TRIO: variants seen among roughly 807,000 people sequenced by gnomAD.
TRIO encodes the protein triple functional domain protein.
A neutral mutation model predicts 351.9 loss-of-function variants in TRIO; 58 were observed. That is an observed-to-expected ratio of 0.16 (90% CI 0.13 to 0.21). TRIO has a LOEUF of 0.21. TRIO is among the 10% of genes least tolerant of loss of function. TRIO has a pLI of 1.00. For synonymous variants in TRIO, 1,758 were observed against 1,595.7 expected (o/e 1.10, Z -2.42); for missense variants, 3,201 against 4,027.8 (o/e 0.79, Z 5.56).
intron 1 of TRIO, among the ~76,000 whole-genome samples, chr5:14,251,278 G>A (rs1219031822): frequency 6.6e-6 from 1 of 152,194 alleles, no homozygotes; most frequent in African/African-American, 2.4e-5. Context: ...GGAACACAAT[G>A]GAATGGCCCA....
At chr5:14,407,061 C>T (rs965816831) in intron 33 of TRIO, among the ~76,000 whole-genome samples, 2 of 152,150 alleles carry the variant, frequency 1.3e-5, no homozygotes, top group African/African-American at 2.4e-5. Context: ...CAGCACCCTT[C>T]CAGCGACTAG....
intron 1 of TRIO, among the ~76,000 whole-genome samples, chr5:14,264,631 C>T (rs1251864059): frequency 6.6e-6 from 1 of 151,920 alleles, no homozygotes; most frequent in Non-Finnish European, 1.5e-5. Context: ...TTAACATGTT[C>T]ATTAGGGGAT....
At chr5:14,265,654 G>A (rs78581853) in intron 1 of TRIO, among the ~76,000 whole-genome samples, 11,826 of 152,178 alleles carry the variant, frequency 0.078, 521 homozygotes, top group African/African-American at 0.082. Flanking sequence ...GACCAAGTGA[G>A]CGAGCATTCT....
chr5:14,213,096 T>C (rs1026258522), intron 1 of TRIO, among the ~76,000 whole-genome samples: 6 of 152,180 alleles, frequency 3.9e-5, no homozygotes, highest in African/African-American at 1.4e-4. Context: ...TGTGTGCTCT[T>C]TACAAACAAC....
chr5:14,206,154 C>T (rs1791444475), intron 1 of TRIO, among the ~76,000 whole-genome samples: 2 of 152,156 alleles, frequency 1.3e-5, no homozygotes, highest in African/African-American at 2.4e-5. Flanking sequence ...CTCTTCCTCC[C>T]GGCACAAGTG....
At chr5:14,367,070 C>A (rs141271172) in intron 16 of TRIO, 91 bp downstream of exon 16, 60 of 1,554,662 alleles carry the variant, frequency 3.9e-5, no homozygotes, top group Middle Eastern at 1.8e-4. Flanking sequence ...CCATGGGAAC[C>A]ACATGGGGCT....
At chr5:14,406,527 G>A in intron 32 of TRIO, 46 bp from the exon 33 acceptor site, 1 of 1,583,288 alleles carries the variant, frequency 6.3e-7, no homozygotes, top group East Asian at 2.2e-5. Context: ...TCCAGTGACT[G>A]CCAGCTCAGC....
intron 40 of TRIO, among the ~76,000 whole-genome samples, chr5:14,474,838 A>C (rs1036776570): frequency 6.6e-6 from 1 of 152,060 alleles, no homozygotes; most frequent in African/African-American, 2.4e-5. Context: ...ATGTGCAGCT[A>C]ACTTTTTTGG....
chr5:14,422,728 C>T (rs1278922883), intron 34 of TRIO, among the ~76,000 whole-genome samples: 3 of 152,194 alleles, frequency 2.0e-5, no homozygotes, highest in African/African-American at 4.8e-5. Context: ...AAAAATACAG[C>T]TTATTTTAAA....
Position 14,508,602 on chromosome 5 carries a change from T to C in TRIO, c.*180T>C. ...CACAGAGCTGCAAGCTGCGCTGGGGTGGAGGACCGTCACTTACACTCTGCC... is the reference window on the plus strand; with the variant it reads ...CACAGAGCTGCAAGCTGCGCTGGGGCGGAGGACCGTCACTTACACTCTGCC... On this transcript the variant is annotated 3_prime_UTR_variant, in exon 57 of 57. Coordinates refer to ENST00000344204, the MANE Select transcript of TRIO (RefSeq NM_007118.4). 1 of 726,232 alleles carries C rather than the reference T, an allele frequency of 1.4e-6. No homozygotes were observed. Among genetic ancestry groups the C allele is most frequent in the Non-Finnish European group, 2.2e-6 (1 of 454,910 alleles). 45.0% of individuals were successfully genotyped at this position (726,232 alleles called of 1,614,324 possible).
chr5:14,299,305 T>C (rs1328746158), intron 7 of TRIO, among the ~76,000 whole-genome samples: 1 of 152,186 alleles, frequency 6.6e-6, no homozygotes, highest in East Asian at 1.9e-4. Context: ...CATGGGACCC[T>C]GCATGAACTG....
At chr5:14,219,084 G>A (rs1792419285) in intron 1 of TRIO, among the ~76,000 whole-genome samples, 1 of 152,154 alleles carries the variant, frequency 6.6e-6, no homozygotes, top group South Asian at 2.1e-4. Flanking sequence ...GGCTAGTGTG[G>A]TGGTGTGACA....
At chr5:14,309,609 G>A (rs1173440976) in intron 8 of TRIO, among the ~76,000 whole-genome samples, 1 of 152,224 alleles carries the variant, frequency 6.6e-6, no homozygotes, top group Admixed American at 6.5e-5. Context: ...GCCTTCCCTA[G>A]TTCTGCAGTG....
At chr5:14,266,974 C>T (rs1176436071) in intron 1 of TRIO, among the ~76,000 whole-genome samples, 1 of 152,166 alleles carries the variant, frequency 6.6e-6, no homozygotes, top group African/African-American at 2.4e-5. Flanking sequence ...CTGAAGCTAG[C>T]TTTTCATTAG....
At chr5:14,208,858 T>G (rs1290621493) in intron 1 of TRIO, among the ~76,000 whole-genome samples, 2 of 152,242 alleles carry the variant, frequency 1.3e-5, no homozygotes, top group Admixed American at 1.3e-4. Context: ...CTCTGAACCC[T>G]CTGCTGGTTC....
chr5:14,498,936 G>T lies in TRIO; in HGVS notation c.8332+296G>T, dbSNP rs115914831. On this transcript the variant is annotated intron_variant, in intron 53 of 56. Coordinates refer to ENST00000344204, the MANE Select transcript of TRIO (RefSeq NM_007118.4). ...TCTGGCTGCCCACCATGGGGCACCA[G>T]GGCCCCCCACGACCAGCTTCTGAGT... is the stretch of plus-strand genomic sequence containing the variant. The T allele has an allele frequency of 0.011, 3,636 of 319,704 alleles. 100 individuals are homozygous for T. Among genetic ancestry groups the T allele is most frequent in the African/African-American group, 0.057 (2,734 of 47,972 alleles). The allele number at this position is 319,704 out of a possible 1,614,324, so 19.8% of individuals were successfully genotyped here. A position where few individuals can be genotyped will look rare whatever the true frequency, so the allele number is the denominator to read the frequency against.
intron 1 of TRIO, among the ~76,000 whole-genome samples, chr5:14,173,496 G>A (rs1407616466): frequency 6.6e-6 from 1 of 152,118 alleles, no homozygotes; most frequent in Admixed American, 6.5e-5. Context: ...ACAGGTGTGA[G>A]TCACCGCGCC....
At chr5:14,182,990 G>A (rs1423742793) in intron 1 of TRIO, among the ~76,000 whole-genome samples, 1 of 152,148 alleles carries the variant, frequency 6.6e-6, no homozygotes, top group African/African-American at 2.4e-5. Flanking sequence ...CCTCTGAGCT[G>A]GGCCAGGGCC....
intron 1 of TRIO, among the ~76,000 whole-genome samples, chr5:14,189,997 C>G (rs164625): frequency 4.5e-4 from 69 of 152,288 alleles, no homozygotes; most frequent in African/African-American, 1.6e-3. Context: ...GCTGGGATTA[C>G]AGGTGTGAGC....
Sources: gnomAD v4.1 joint callset for allele counts (sites outside exome capture counted in the v4.1 genomes callset) on GRCh38, gnomAD v4.1.1 for gene constraint, MANE v1.5 for transcripts, NCBI Gene and HGNC (gene_info 2026-07-23, HGNC 2026-07-21) for gene names.